The following DOCK3 variants were observed in gnomAD, a reference collection of about 807,000 sequenced individuals.
DOCK3 encodes dedicator of cytokinesis 3.
A neutral mutation model predicts 265.6 loss-of-function variants in DOCK3; 60 were observed. The ratio of observed to expected loss-of-function variants is 0.23; its 90% CI spans 0.18 to 0.28. DOCK3 has a LOEUF of 0.28. Ranked by LOEUF, DOCK3 falls within the 10% of genes least tolerant of loss-of-function variation. The pLI, the probability that DOCK3 is intolerant of heterozygous loss-of-function variation, is 1.00. For synonymous variants in DOCK3, 881 were observed against 938.0 expected (o/e 0.94, Z 1.11); for missense variants, 1,981 against 2,594.3 (o/e 0.76, Z 5.14).
intron 3 of DOCK3, among the ~76,000 whole-genome samples, chr3:50,886,813 A>G (rs996084438): frequency 3.3e-5 from 5 of 152,154 alleles, no homozygotes; most frequent in African/African-American, 1.2e-4. Flanking sequence ...CTTTGAAACC[A>G]GAGAGAACAA....
intron 1 of DOCK3, among the ~76,000 whole-genome samples, chr3:50,749,586 A>G (rs1023225348): frequency 6.6e-6 from 1 of 152,090 alleles, no homozygotes; most frequent in East Asian, 1.9e-4. Flanking sequence ...ATTTTTAAAA[A>G]TCCTATCAGT....
At chr3:51,179,931 G>A (rs959134127) in intron 12 of DOCK3, among the ~76,000 whole-genome samples, 3 of 151,772 alleles carry the variant, frequency 2.0e-5, no homozygotes, top group African/African-American at 7.3e-5. Context: ...AGGGCCGGCG[G>A]ACGCGGTGTC....
chr3:50,833,989 G>A (rs1166250650), intron 2 of DOCK3, among the ~76,000 whole-genome samples: 1 of 152,036 alleles, frequency 6.6e-6, no homozygotes, highest in Non-Finnish European at 1.5e-5. Flanking sequence ...TCTTGACTCT[G>A]TAAAACAAAA....
intron 5 of DOCK3, among the ~76,000 whole-genome samples, chr3:51,003,564 G>A (rs1310305640): frequency 6.6e-6 from 1 of 152,168 alleles, no homozygotes; most frequent in East Asian, 1.9e-4. Flanking sequence ...TAATAGACCT[G>A]ATACCAAGTG....
At chr3:51,329,024 G>A (rs1431812858) in intron 32 of DOCK3, among the ~76,000 whole-genome samples, 4 of 151,980 alleles carry the variant, frequency 2.6e-5, no homozygotes, top group East Asian at 1.9e-4. Context: ...GTGGTGGTGC[G>A]TGCTTATAAT....
chr3:51,067,456 T>TGTGTGTGTGTGTGTGTGCGC (rs1553750450), intron 6 of DOCK3, among the ~76,000 whole-genome samples: 1 of 150,232 alleles, frequency 6.7e-6, no homozygotes, highest in African/African-American at 2.5e-5. Flanking sequence ...TGTGTGTGTG[T>TGTGTGTGTGTGTGTGTGCGC]GCGCGCGCGT....
chr3:50,929,868 A>G (rs7623976), intron 4 of DOCK3, among the ~76,000 whole-genome samples: 14,357 of 152,272 alleles, frequency 0.094, 836 homozygotes, highest in Non-Finnish European at 0.12. Context: ...CTAAGCAATG[A>G]AAATTAAAGT....
chr3:51,238,601 C>T (rs1199059394), intron 21 of DOCK3, among the ~76,000 whole-genome samples: 2 of 152,040 alleles, frequency 1.3e-5, no homozygotes, highest in East Asian at 1.9e-4. Flanking sequence ...TGATCCTCTC[C>T]GTCCTCCTAC....
At chr3:50,722,132 A>G (rs548707454) in intron 1 of DOCK3, among the ~76,000 whole-genome samples, 3 of 152,326 alleles carry the variant, frequency 2.0e-5, no homozygotes, top group East Asian at 3.9e-4. Flanking sequence ...GAAAGCTGAG[A>G]GAGATCCTCC....
chr3:50,696,597 A>C (rs903005450), intron 1 of DOCK3, among the ~76,000 whole-genome samples: 1 of 152,194 alleles, frequency 6.6e-6, no homozygotes, highest in Non-Finnish European at 1.5e-5. Flanking sequence ...ACAGTAAGGC[A>C]TGAAAGATTT....
At chr3:51,013,380 G>A (rs529923096) in intron 5 of DOCK3, among the ~76,000 whole-genome samples, 4 of 152,294 alleles carry the variant, frequency 2.6e-5, no homozygotes, top group African/African-American at 9.6e-5. Flanking sequence ...CTTTCTGTTT[G>A]TTAGTTTTCC....
At chr3:50,979,001 G>A (rs960048949) in intron 5 of DOCK3, among the ~76,000 whole-genome samples, 4 of 152,106 alleles carry the variant, frequency 2.6e-5, no homozygotes, top group African/African-American at 9.7e-5. Flanking sequence ...ACCCTGCTTC[G>A]GCTCGCGTAC....
chr3:51,012,633 C>T (rs922017895), intron 5 of DOCK3, among the ~76,000 whole-genome samples: 7 of 152,068 alleles, frequency 4.6e-5, no homozygotes, highest in South Asian at 4.1e-4. Context: ...GGCTCACACC[C>T]GGTGGACTGC....
chr3:51,328,339 C>T (rs2084288762), intron 32 of DOCK3, among the ~76,000 whole-genome samples: 1 of 152,142 alleles, frequency 6.6e-6, no homozygotes. Context: ...TCAGGCCCGT[C>T]TCTTGGGGGC....
At chr3:50,717,708 C>T (rs1442826575) in intron 1 of DOCK3, among the ~76,000 whole-genome samples, 1 of 152,298 alleles carries the variant, frequency 6.6e-6, no homozygotes, top group African/African-American at 2.4e-5. Context: ...CTGCAACCTC[C>T]ACCTCCCTGG....
At chr3:51,131,391 C>T (rs2084530918) in intron 9 of DOCK3, among the ~76,000 whole-genome samples, 1 of 152,114 alleles carries the variant, frequency 6.6e-6, no homozygotes. Context: ...TGGTAAAAGG[C>T]CGGAGGTCTC....
chr3:51,122,032 A>C (rs2084040803), intron 9 of DOCK3, among the ~76,000 whole-genome samples: 1 of 152,150 alleles, frequency 6.6e-6, no homozygotes, highest in South Asian at 2.1e-4. Flanking sequence ...ATAACTGCTC[A>C]CTGTCCCTTC....
chr3:51,031,126 A>G (rs1234105989), intron 5 of DOCK3, among the ~76,000 whole-genome samples: 2 of 152,162 alleles, frequency 1.3e-5, no homozygotes, highest in African/African-American at 4.8e-5. Context: ...TCAATTTGCT[A>G]TGTCTATAAC....
intron 2 of DOCK3, among the ~76,000 whole-genome samples, chr3:50,831,564 C>A (rs563719332): frequency 9.3e-4 from 142 of 152,204 alleles, no homozygotes; most frequent in African/African-American, 3.3e-3. Flanking sequence ...TGAACTCATC[C>A]TTTTATAGGG....
Sources: allele counts gnomAD v4.1 joint callset (sites outside exome capture counted in the v4.1 genomes callset), GRCh38; gene constraint gnomAD v4.1.1; transcripts MANE v1.5; gene names NCBI Gene and HGNC (gene_info 2026-07-23, HGNC 2026-07-21).